AOAH: variants seen among roughly 807,000 people sequenced by gnomAD.
The protein encoded by AOAH is acyloxyacyl hydrolase (neutrophil).
AOAH carries 64 observed loss-of-function variants against 92.2 expected under a neutral mutation model. The ratio of observed to expected loss-of-function variants is 0.69; its 90% CI spans 0.57 to 0.86. The LOEUF is 0.86. AOAH is among the 40% of genes least tolerant of loss of function. AOAH has a pLI of 0.00. For synonymous variants in AOAH, 263 were observed against 254.5 expected, an observed-to-expected ratio of 1.03 and a Z score of -0.32; for missense variants, 656 against 694.6, an observed-to-expected ratio of 0.94 and a Z score of 0.62.
chr7:36,714,323 A>G (rs917079149), intron 1 of AOAH, among the ~76,000 whole-genome samples: 6 of 152,224 alleles, frequency 3.9e-5, no homozygotes, highest in African/African-American at 7.2e-5. Flanking sequence ...GCTGAAATTG[A>G]GGCAATAATT....
At chr7:36,558,845 T>G (rs1279921320) in intron 13 of AOAH, among the ~76,000 whole-genome samples, 1 of 152,224 alleles carries the variant, frequency 6.6e-6, no homozygotes, top group Non-Finnish European at 1.5e-5. Flanking sequence ...AGTATTGGGG[T>G]GGGAGTGACC....
chr7:36,684,085 A>G (rs776495991), intron 2 of AOAH, among the ~76,000 whole-genome samples: 4 of 152,242 alleles, frequency 2.6e-5, no homozygotes, highest in Non-Finnish European at 4.4e-5. Flanking sequence ...TCTCACTAAA[A>G]GAAACCAGGG....
Position 36,530,430 on chromosome 7 carries a change from C to A in AOAH, c.1510G>T (p.Ala504Ser), listed in dbSNP as rs754930395. The A allele has an allele frequency of 4.3e-6, 7 of 1,611,966 alleles. No individual in the cohort carries two copies. The highest frequency in any genetic ancestry group is 5.9e-6 in the Non-Finnish European group (7 of 1,178,118). ...CAAAGCTACTTACTTTCATGGAAGG[C>A]AAAATCCATGTAGAAAAGATTGAAG... ...TNFNLFYMDF[A>S]FHEIIQEWQK... The change falls in exon 19 of 21, where the codon GCC becomes TCC. Residue 504 changes from alanine to serine, a missense_variant. By Grantham distance (99) the Ala-to-Ser change is moderately conservative. Coordinates refer to ENST00000617537, the MANE Select transcript of AOAH (RefSeq NM_001637.4).
At chr7:36,700,893 A>T (rs1797988783) in intron 1 of AOAH, among the ~76,000 whole-genome samples, 1 of 151,952 alleles carries the variant, frequency 6.6e-6, no homozygotes, top group Non-Finnish European at 1.5e-5. Flanking sequence ...GCATAAGATG[A>T]TATCTCATTG....
chr7:36,592,164 A>G (rs900677500), intron 12 of AOAH, among the ~76,000 whole-genome samples: 3 of 152,164 alleles, frequency 2.0e-5, no homozygotes, highest in African/African-American at 7.2e-5. Flanking sequence ...AGAAAATTCC[A>G]GATACTTTTA....
At chr7:36,708,391 T>A (rs1417058064) in intron 1 of AOAH, among the ~76,000 whole-genome samples, 1 of 152,172 alleles carries the variant, frequency 6.6e-6, no homozygotes, top group Admixed American at 6.5e-5. Flanking sequence ...TCCATTTGGA[T>A]CTTTATTATA....
At chr7:36,670,760 C>CT (rs1165905841) in intron 3 of AOAH, among the ~76,000 whole-genome samples, 1 of 152,216 alleles carries the variant, frequency 6.6e-6, no homozygotes, top group Non-Finnish European at 1.5e-5. Context: ...CAGGCGTGAG[C>CT]CACCGCGCCC....
chr7:36,514,495 C>T lies in AOAH; in HGVS notation c.1600-1115G>A, dbSNP rs1474981746. 7 of 1,535,948 alleles carry T rather than the reference C, an allele frequency of 4.6e-6. No homozygotes were observed. In the East Asian group the frequency reaches 1.2e-4, roughly 27 times the overall value. The stretch of plus-strand genomic sequence containing the variant: ...ACTCTCTGGTTCTGCTGTCGCATGT[C>T]AGGTTTCCCTTTATCCATGATGTTA... On this transcript the variant is annotated intron_variant, in intron 20 of 20. Transcript: ENST00000617537.
intron 1 of AOAH, among the ~76,000 whole-genome samples, chr7:36,701,521 T>C (rs1798035115): frequency 6.6e-6 from 1 of 151,038 alleles, no homozygotes; most frequent in Non-Finnish European, 1.5e-5. Context: ...TTACCTGATA[T>C]AATAGCCCCT....
intron 4 of AOAH, among the ~76,000 whole-genome samples, chr7:36,644,991 A>T (rs1794138011): frequency 6.6e-6 from 1 of 152,170 alleles, no homozygotes; most frequent in African/African-American, 2.4e-5. Context: ...GTTGTTCCTC[A>T]CACCCAAATT....
At chr7:36,596,474 G>A (rs1453058287) in intron 11 of AOAH, among the ~76,000 whole-genome samples, 1 of 152,156 alleles carries the variant, frequency 6.6e-6, no homozygotes, top group Non-Finnish European at 1.5e-5. Flanking sequence ...GATGTAACTA[G>A]TTAAGAAGAG....
chr7:36,647,032 T>C (rs886884373), intron 4 of AOAH, among the ~76,000 whole-genome samples: 4 of 152,234 alleles, frequency 2.6e-5, no homozygotes, highest in African/African-American at 7.2e-5. Context: ...GAGTAATTAA[T>C]GCATGTAGTG....
chr7:36,532,411 G>T (rs1322307217), intron 16 of AOAH, 67 bp from the exon 17 acceptor site: 7 of 1,456,476 alleles, frequency 4.8e-6, no homozygotes, highest in Non-Finnish European at 6.7e-6. Context: ...GGCACCTGGG[G>T]GCTTCCCTGC....
At chr7:36,544,566 A>C (rs1370953179) in intron 15 of AOAH, among the ~76,000 whole-genome samples, 1 of 152,122 alleles carries the variant, frequency 6.6e-6, no homozygotes, top group Non-Finnish European at 1.5e-5. Flanking sequence ...CAGCTAACAG[A>C]GAAGATGTGA....
At chr7:36,638,073 C>G (rs1793646776) in intron 4 of AOAH, among the ~76,000 whole-genome samples, 163 bp from the exon 5 acceptor site, 1 of 152,178 alleles carries the variant, frequency 6.6e-6, no homozygotes, top group Admixed American at 6.5e-5. Context: ...ACATTAATAG[C>G]TCTTTTTATT....
intron 1 of AOAH, among the ~76,000 whole-genome samples, chr7:36,704,379 T>C (rs1798254434): frequency 6.6e-6 from 1 of 152,132 alleles, no homozygotes; most frequent in Non-Finnish European, 1.5e-5. Context: ...GCAAATAAAC[T>C]AGAAAATCTA....
intron 20 of AOAH, among the ~76,000 whole-genome samples, chr7:36,517,354 G>A (rs1583708112): frequency 6.7e-6 from 1 of 150,010 alleles, no homozygotes; most frequent in Non-Finnish European, 1.5e-5. Flanking sequence ...GCAGTGGCCA[G>A]ATCTCGGCTC....
chr7:36,621,139 C>A (rs535145273), intron 8 of AOAH, among the ~76,000 whole-genome samples: 2 of 152,316 alleles, frequency 1.3e-5, no homozygotes, highest in African/African-American at 4.8e-5. Context: ...ACATAATGAA[C>A]AAATCTGCAT....
chr7:36,723,137 G>C (rs1012746982), intron 1 of AOAH, among the ~76,000 whole-genome samples: 1 of 151,968 alleles, frequency 6.6e-6, no homozygotes, highest in African/African-American at 2.4e-5. Flanking sequence ...ACTTATCCTA[G>C]AGTTATTTTC....
Sources: gnomAD v4.1 joint callset for allele counts (sites outside exome capture counted in the v4.1 genomes callset) on GRCh38, gnomAD v4.1.1 for gene constraint, MANE v1.5 for transcripts, NCBI Gene and HGNC (gene_info 2026-07-23, HGNC 2026-07-21) for gene names.